Variants in HDAC4 observed in about 807,000 individuals in gnomAD.
The protein encoded by HDAC4 is histone deacetylase A.
Under a neutral mutation model 135.1 loss-of-function variants are expected in HDAC4, and 16 were observed. That is an observed-to-expected ratio of 0.12 (90% CI 0.08 to 0.18). The LOEUF is 0.18. Ranked by LOEUF, HDAC4 falls within the 10% of genes least tolerant of loss-of-function variation. The pLI, the probability that HDAC4 is intolerant of heterozygous loss-of-function variation, is 1.00. For missense variants in HDAC4, 1,143 were observed against 1,511.8 expected (o/e 0.76, Z 4.05); for synonymous variants, 685 against 653.4 (o/e 1.05, Z -0.74).
intron 17 of HDAC4, among the ~76,000 whole-genome samples, chr2:239,092,067 T>C (rs2036570821): frequency 6.6e-6 from 1 of 151,732 alleles, no homozygotes; most frequent in Admixed American, 6.6e-5. Context: ...CCAGACTCCG[T>C]CTCAAAAACA....
At chr2:239,294,046 G>A (rs1255509572) in intron 2 of HDAC4, among the ~76,000 whole-genome samples, 1 of 152,134 alleles carries the variant, frequency 6.6e-6, no homozygotes, top group African/African-American at 2.4e-5. Context: ...ACAAATACCC[G>A]CCCATCGTCT....
intron 2 of HDAC4, among the ~76,000 whole-genome samples, chr2:239,345,666 C>T (rs571336098): frequency 4.0e-5 from 6 of 151,364 alleles, no homozygotes; most frequent in Non-Finnish European, 7.4e-5. Flanking sequence ...AAAACACACA[C>T]TCCCTAAAAC....
intron 2 of HDAC4, among the ~76,000 whole-genome samples, chr2:239,284,108 C>G (rs1049561689): frequency 4.6e-5 from 7 of 152,252 alleles, no homozygotes; most frequent in Non-Finnish European, 1.0e-4. Context: ...TTCCACGTCT[C>G]TCCACATGAC....
At chr2:239,265,558 C>T (rs2049669742) in intron 2 of HDAC4, among the ~76,000 whole-genome samples, 1 of 151,670 alleles carries the variant, frequency 6.6e-6, no homozygotes, top group Non-Finnish European at 1.5e-5. Context: ...GGGGCGGGAA[C>T]CCAGGCCCTC....
At chr2:239,392,801 G>A (rs187119519) in intron 1 of HDAC4, among the ~76,000 whole-genome samples, 1 of 152,340 alleles carries the variant, frequency 6.6e-6, no homozygotes, top group Admixed American at 6.5e-5. Context: ...ACCTGCTGGG[G>A]GCCCACTTTC....
chr2:239,363,870 C>A (rs766984905), intron 1 of HDAC4, among the ~76,000 whole-genome samples: 1 of 152,162 alleles, frequency 6.6e-6, no homozygotes, highest in Non-Finnish European at 1.5e-5. Context: ...TTACAAATCA[C>A]TAAGAAAAAG....
At position 239,115,755 on chromosome 2, in the gene HDAC4, A is replaced by T. The variant is rs764621999; in HGVS notation, c.1534-445T>A. ...TCAGCGGAAGACAACCACGTCCACAATGCTCACTGCCCAATCCCACCAACA... is the reference window on the plus strand; with the variant it reads ...TCAGCGGAAGACAACCACGTCCACATTGCTCACTGCCCAATCCCACCAACA... On this transcript the variant is annotated intron_variant, in intron 12 of 26. Coordinates refer to ENST00000543185, the MANE Select transcript of HDAC4 (RefSeq NM_001378414.1). The surrounding 1 kb of genome is among the most constrained non-coding windows in gnomAD (Gnocchi z 6.3). 2.0e-5 allele frequency among the ~76,000 whole-genome samples: 3 copies of T among 152,074 alleles called. No individual in the cohort carries two copies. The highest frequency in any genetic ancestry group is 4.4e-5 in the Non-Finnish European group (3 of 67,980).
chr2:239,167,427 G>T lies in HDAC4; in HGVS notation c.491-3504C>A, dbSNP rs1285553287. On this transcript the variant is annotated intron_variant, in intron 5 of 26. Coordinates refer to ENST00000543185, the MANE Select transcript of HDAC4 (RefSeq NM_001378414.1). The surrounding 1 kb of genome is among the most constrained non-coding windows in gnomAD (Gnocchi z 4.1). The stretch of plus-strand genomic sequence containing the variant: ...CTGGCGTTCATGCCCCATGCAGTGG[G>T]GGGCAGACATGACTGGGGTTCACAC... Among the ~76,000 whole-genome samples the T allele has an allele frequency of 6.6e-6, 1 of 152,208 alleles. No homozygotes were observed. Among genetic ancestry groups the T allele is most frequent in the Non-Finnish European group, 1.5e-5 (1 of 68,032 alleles).
At chr2:239,092,616 CA>C (rs2036621847) in intron 17 of HDAC4, among the ~76,000 whole-genome samples, 1 of 152,170 alleles carries the variant, frequency 6.6e-6, no homozygotes, top group Admixed American at 6.5e-5. Flanking sequence ...GAGTGAAGGA[CA>C]AAGCCCCAGC....
At chr2:239,190,437 G>A (rs1211692077) in intron 3 of HDAC4, among the ~76,000 whole-genome samples, 1 of 152,216 alleles carries the variant, frequency 6.6e-6, no homozygotes, top group Admixed American at 6.5e-5. Context: ...GGCCAATAAT[G>A]AGAAAAATAA....
At chr2:239,210,492 T>C (rs974284385) in intron 3 of HDAC4, among the ~76,000 whole-genome samples, 1 of 152,166 alleles carries the variant, frequency 6.6e-6, no homozygotes. Context: ...ATTCTCAGCG[T>C]TGTGTTTTGG....
chr2:239,361,711 C>T (rs1240422159), intron 1 of HDAC4, among the ~76,000 whole-genome samples: 2 of 152,232 alleles, frequency 1.3e-5, no homozygotes, highest in Non-Finnish European at 2.9e-5. Context: ...CTGCCTGATA[C>T]ACCTCTCTTC....
intron 8 of HDAC4, 132 bp downstream of exon 8, chr2:239,144,451 C>A: frequency 8.2e-7 from 1 of 1,216,140 alleles, no homozygotes; most frequent in Non-Finnish European, 1.2e-6. Context: ...GCCATGGGAA[C>A]AGGACCACAC....
At chr2:239,242,880 A>G (rs2048266921) in intron 2 of HDAC4, among the ~76,000 whole-genome samples, 1 of 152,212 alleles carries the variant, frequency 6.6e-6, no homozygotes. Context: ...GCATCAATTC[A>G]GCTTATTAAA....
At chr2:239,221,631 C>G (rs1037568146) in intron 3 of HDAC4, among the ~76,000 whole-genome samples, 9 of 151,870 alleles carry the variant, frequency 5.9e-5, no homozygotes, top group Admixed American at 1.3e-4. Flanking sequence ...CACACACACA[C>G]ACACACACAC....
chr2:239,381,455 G>A (rs1046526028), intron 1 of HDAC4, among the ~76,000 whole-genome samples: 1 of 152,088 alleles, frequency 6.6e-6, no homozygotes. Context: ...AGAGGAGAAA[G>A]GTACATTTTA....
chr2:239,305,936 G>A (rs145620277), intron 2 of HDAC4, among the ~76,000 whole-genome samples: 16 of 152,320 alleles, frequency 1.1e-4, no homozygotes, highest in East Asian at 1.9e-4. Flanking sequence ...CGGAGGAACC[G>A]TGACAAAGAG....
chr2:239,087,649 C>T (rs767774535), intron 18 of HDAC4, 35 bp from the exon 19 acceptor site: 12 of 1,602,780 alleles, frequency 7.5e-6, no homozygotes, highest in Admixed American at 1.7e-5. Context: ...GAGAGAGCAA[C>T]AAAAGACACA....
In HDAC4 at chr2:239,081,147, T is replaced by C. The variant is rs758093917; in HGVS notation, c.2698A>G (p.Thr900Ala). 2 of 1,613,996 alleles carry C rather than the reference T, an allele frequency of 1.2e-6. No homozygotes were observed. Among genetic ancestry groups the C allele is most frequent in the African/African-American group, 1.3e-5 (1 of 75,042 alleles). ...GVGFNVNMAF[T>A]GGLDPPMGDA... ...CCCATGGGGGGGTCCAGGCCGCCGG[T>C]GAAAGCCATGTTGACGTTGAAACCC... The change falls in exon 22 of 27, where the codon ACC becomes GCC. Residue 900 changes from threonine to alanine, a missense_variant. Around this residue, in one of 9 missense-constraint regions of HDAC4, gnomAD observed 189 missense variants for 317.6 expected, o/e 0.60. Transcript: ENST00000543185.
Sources: gnomAD v4.1 joint callset for allele counts (sites outside exome capture counted in the v4.1 genomes callset) on GRCh38, gnomAD v4.1.1 for gene constraint, gnomAD v4.1.1 regional missense constraint, Gnocchi (gnomAD v3.1) non-coding constraint, MANE v1.5 for transcripts, NCBI Gene and HGNC (gene_info 2026-07-23, HGNC 2026-07-21) for gene names.